XPNPEP3: variants seen among roughly 807,000 people sequenced by gnomAD.
XPNPEP3 encodes xaa-Pro aminopeptidase 3.
Under a neutral mutation model 60.0 loss-of-function variants are expected in XPNPEP3, and 41 were observed. The ratio of observed to expected loss-of-function variants is 0.68; its 90% confidence interval spans 0.53 to 0.89. XPNPEP3 has a LOEUF of 0.89. XPNPEP3 is among the 40% of genes least tolerant of loss of function. XPNPEP3 has a pLI of 0.00. For missense variants in XPNPEP3, 598 were observed against 638.9 expected (o/e 0.94, Z 0.69); for synonymous variants, 212 against 223.2 (o/e 0.95, Z 0.45).
intron 2 of XPNPEP3, among the ~76,000 whole-genome samples, chr22:40,871,646 T>C (rs1264755632): frequency 6.6e-6 from 1 of 152,210 alleles, no homozygotes; most frequent in Non-Finnish European, 1.5e-5. Flanking sequence ...TGTTTCTTTT[T>C]AGTCCTATTT....
chr22:40,857,898 C>T (rs1487162175), intron 1 of XPNPEP3, among the ~76,000 whole-genome samples: 1 of 152,092 alleles, frequency 6.6e-6, no homozygotes, highest in East Asian at 1.9e-4. Flanking sequence ...TGAACCAGAA[C>T]GTATGGTATT....
At chr22:40,875,521 T>A (rs1489559620) in intron 2 of XPNPEP3, among the ~76,000 whole-genome samples, 1 of 152,150 alleles carries the variant, frequency 6.6e-6, no homozygotes, top group Non-Finnish European at 1.5e-5. Flanking sequence ...ATAAACCTGT[T>A]TTTTACTTAC....
At chr22:40,863,657 G>A (rs1171788774) in intron 1 of XPNPEP3, among the ~76,000 whole-genome samples, 1 of 152,068 alleles carries the variant, frequency 6.6e-6, no homozygotes, top group Non-Finnish European at 1.5e-5. Context: ...ATTATAATTT[G>A]CCTACCACTG....
intron 7 of XPNPEP3, among the ~76,000 whole-genome samples, chr22:40,920,450 C>G (rs1450123010): frequency 6.6e-6 from 1 of 152,148 alleles, no homozygotes. Flanking sequence ...AGTCCAAAAT[C>G]TATAGGGCAG....
At chr22:40,908,448 G>T (rs1292399643) in intron 5 of XPNPEP3, among the ~76,000 whole-genome samples, 1 of 152,134 alleles carries the variant, frequency 6.6e-6, no homozygotes, top group Non-Finnish European at 1.5e-5. Context: ...AGCCTGGAAG[G>T]TTCAGGCTAT....
intron 1 of XPNPEP3, among the ~76,000 whole-genome samples, chr22:40,863,122 T>C (rs1004093756): frequency 2.6e-5 from 4 of 152,218 alleles, no homozygotes; most frequent in Admixed American, 6.6e-5. Flanking sequence ...GACATAAAGC[T>C]AGCACTTATT....
chr22:40,892,006 C>T lies in XPNPEP3; in HGVS notation c.792+5491C>T, dbSNP rs147868284. 1.9e-3 allele frequency among the ~76,000 whole-genome samples: 288 copies of T among 152,234 alleles called. 3 individuals carry two copies. Among genetic ancestry groups the T allele is most frequent in the African/African-American group, 6.8e-3 (282 of 41,552 alleles). On this transcript the variant is annotated intron_variant, in intron 4 of 9. Transcript: ENST00000357137. Reference sequence around the variant, plus strand: ...ATATCTGTAATGCAGCTTGTGTTAACATGCAAGCTTATTCCTTTTGTTGGG... The same window carrying T: ...ATATCTGTAATGCAGCTTGTGTTAATATGCAAGCTTATTCCTTTTGTTGGG...
At chr22:40,882,293 G>A in intron 3 of XPNPEP3, 116 bp downstream of exon 3, 1 of 1,137,772 alleles carries the variant, frequency 8.8e-7, no homozygotes, top group Non-Finnish European at 1.3e-6. Flanking sequence ...AAGACCATGA[G>A]CACCATGAAA....
At chr22:40,861,133 C>G (rs2057942748) in intron 1 of XPNPEP3, 1 of 1,614,006 alleles carries the variant, frequency 6.2e-7, no homozygotes, top group Non-Finnish European at 8.5e-7. Context: ...TTACCACCCT[C>G]TTTGACTCCT....
At chr22:40,878,634 C>G (rs1408361350) in intron 2 of XPNPEP3, among the ~76,000 whole-genome samples, 2 of 151,382 alleles carry the variant, frequency 1.3e-5, no homozygotes, top group Non-Finnish European at 2.9e-5. Flanking sequence ...TCGCTCAGGC[C>G]GGAATGTAGT....
chr22:40,894,008 T>C (rs1030321702), intron 4 of XPNPEP3, among the ~76,000 whole-genome samples: 1 of 152,180 alleles, frequency 6.6e-6, no homozygotes, highest in African/African-American at 2.4e-5. Flanking sequence ...TTTTTGGCTC[T>C]TCAAAAGAGG....
chr22:40,924,810 C>T (rs897028522), intron 9 of XPNPEP3, among the ~76,000 whole-genome samples: 4 of 152,086 alleles, frequency 2.6e-5, no homozygotes, highest in Admixed American at 6.6e-5. Context: ...CGTGAGCTAC[C>T]GCGCCCAGCC....
At chr22:40,900,019 T>G (rs1299499441) in intron 4 of XPNPEP3, among the ~76,000 whole-genome samples, 2 of 151,774 alleles carry the variant, frequency 1.3e-5, no homozygotes, top group Non-Finnish European at 2.9e-5. Flanking sequence ...GAGCCAAGAT[T>G]ACACCACTGC....
In XPNPEP3 at chr22:40,922,324, C is replaced by T. The variant is rs116758113; in HGVS notation, c.1056-9C>T. 2.8e-4 allele frequency: 449 copies of T among 1,613,618 alleles called. 2 individuals are homozygous for T. In the African/African-American group the frequency reaches 5.6e-3, roughly 20 times the overall value. ...CTAAGTTCAGGTTCTTTGGTTTTCC[C>T]GTCCCCAGGTTCACCGCACCTCAGG... On this transcript the variant is annotated splice_polypyrimidine_tract_variant and intron_variant, in intron 7 of 9. Coordinates refer to ENST00000357137, the MANE Select transcript of XPNPEP3 (RefSeq NM_022098.4).
At chr22:40,925,744 G>A (rs2058232479) in intron 9 of XPNPEP3, among the ~76,000 whole-genome samples, 1 of 152,164 alleles carries the variant, frequency 6.6e-6, no homozygotes, top group Non-Finnish European at 1.5e-5. Context: ...ACACACATCA[G>A]ATATATTTAA....
intron 2 of XPNPEP3, among the ~76,000 whole-genome samples, chr22:40,874,772 A>G (rs1210200659): frequency 6.6e-6 from 1 of 152,128 alleles, no homozygotes; most frequent in African/African-American, 2.4e-5. Context: ...CACATACACC[A>G]CTAACCTAGT....
intron 6 of XPNPEP3, among the ~76,000 whole-genome samples, chr22:40,911,448 G>A (rs2058176808): frequency 6.6e-6 from 1 of 151,596 alleles, no homozygotes; most frequent in South Asian, 2.1e-4. Flanking sequence ...TGGTAAACAC[G>A]TGTAGAACTC....
intron 5 of XPNPEP3, among the ~76,000 whole-genome samples, chr22:40,908,851 TAAAGA>T (rs1378289972): frequency 6.6e-6 from 1 of 151,994 alleles, no homozygotes; most frequent in Non-Finnish European, 1.5e-5. Flanking sequence ...TAGAGAACAC[TAAAGA>T]AAAAAGAACA....
rs1260923120 is a variant in XPNPEP3 at position 40,931,992 on chromosome 22, AT to A, written c.*5558del. 6.6e-6 allele frequency: 1 copy of A among 152,182 alleles called. No individual in the cohort carries two copies. Among genetic ancestry groups the A allele is most frequent in the Non-Finnish European group, 1.5e-5 (1 of 68,038 alleles). The allele number at this position is 152,182 out of a possible 1,614,324, so 9.4% of individuals were successfully genotyped here. A position where few individuals can be genotyped will look rare whatever the true frequency, so the allele number is the denominator to read the frequency against. On this transcript the variant is annotated 3_prime_UTR_variant, in exon 10 of 10. Transcript: ENST00000357137. Reference sequence around the variant, plus strand: ...GTACCTTTGTTATGTCTTTCCAAATATCCACACCCACACCCTGTTCAGCTTT... The same window carrying A: ...GTACCTTTGTTATGTCTTTCCAAATACCACACCCACACCCTGTTCAGCTTT...
Sources: gnomAD v4.1 joint callset for allele counts (sites outside exome capture counted in the v4.1 genomes callset) on GRCh38, gnomAD v4.1.1 for gene constraint, MANE v1.5 for transcripts, NCBI Gene and HGNC (gene_info 2026-07-23, HGNC 2026-07-21) for gene names.